The following NECAB1 variants were observed in gnomAD, a reference collection of about 807,000 sequenced individuals.
The protein encoded by NECAB1 is N-terminal EF-hand calcium binding protein 1.
NECAB1 carries 29 observed loss-of-function variants against 57.5 expected under a neutral mutation model. The observed-to-expected ratio is 0.50, with a 90% CI of 0.38 to 0.69. The LOEUF is 0.69. NECAB1 is among the 30% of genes least tolerant of loss of function. The pLI is 0.00. For missense variants in NECAB1, 372 were observed against 413.8 expected (o/e 0.90, Z 0.88); for synonymous variants, 142 against 147.7 (o/e 0.96, Z 0.28).
intron 5 of NECAB1, among the ~76,000 whole-genome samples, chr8:90,902,418 A>T (rs1809528310): frequency 6.6e-6 from 1 of 152,166 alleles, no homozygotes; most frequent in South Asian, 2.1e-4. Flanking sequence ...TGAGACTCTA[A>T]AAAAACAAAC....
At chr8:90,849,483 C>CTTTTT (rs5893138) in intron 3 of NECAB1, among the ~76,000 whole-genome samples, 1 of 113,424 alleles carries the variant, frequency 8.8e-6, no homozygotes, top group Non-Finnish European at 1.7e-5. Context: ...AAGAAAAATG[C>CTTTTT]TTTTTTTTTT....
intron 3 of NECAB1, among the ~76,000 whole-genome samples, chr8:90,835,792 A>G (rs576407836): frequency 1.3e-5 from 2 of 152,340 alleles, no homozygotes; most frequent in African/African-American, 4.8e-5. Context: ...AATTGCTGTA[A>G]TACATTCAAT....
chr8:90,859,994 A>G (rs960761243), intron 3 of NECAB1, among the ~76,000 whole-genome samples: 1 of 152,134 alleles, frequency 6.6e-6, no homozygotes, highest in African/African-American at 2.4e-5. Flanking sequence ...CCTCAGAGCA[A>G]GAAAATAACT....
intron 1 of NECAB1, 141 bp from the exon 2 acceptor site, chr8:90,801,550 A>C: frequency 1.5e-6 from 1 of 647,288 alleles, no homozygotes; most frequent in Non-Finnish European, 2.7e-6. Flanking sequence ...TAGATATTAT[A>C]AAGAAAGATC....
intron 11 of NECAB1, among the ~76,000 whole-genome samples, chr8:90,950,235 G>A (rs1357784040): frequency 6.6e-6 from 1 of 152,006 alleles, no homozygotes; most frequent in Middle Eastern, 3.2e-3. Flanking sequence ...GGGAAAAAAA[G>A]CTTTACCTCC....
In NECAB1 at chr8:90,815,059, C is replaced by G. The variant is rs116441050; in HGVS notation, c.125-9658C>G. Among the ~76,000 whole-genome samples the G allele has an allele frequency of 2.2e-3, 330 of 152,140 alleles. 3 individuals carry two copies. The highest frequency in any genetic ancestry group is 7.3e-3 in the African/African-American group (304 of 41,528). ...ATTACCACATGGATCGTTCTAGACT[C>G]CTGTCTTTGCTTGTCCATATCCTCT... On this transcript the variant is annotated intron_variant, in intron 2 of 12. Coordinates refer to ENST00000417640, the MANE Select transcript of NECAB1 (RefSeq NM_022351.5).
chr8:90,897,776 C>G (rs1384021668), intron 5 of NECAB1, among the ~76,000 whole-genome samples: 1 of 152,142 alleles, frequency 6.6e-6, no homozygotes, highest in Non-Finnish European at 1.5e-5. Flanking sequence ...AAAAATGACA[C>G]TTTAGGAGAC....
chr8:90,832,358 A>T (rs1812310052), intron 3 of NECAB1, among the ~76,000 whole-genome samples: 1 of 152,154 alleles, frequency 6.6e-6, no homozygotes, highest in Non-Finnish European at 1.5e-5. Context: ...GTGCAGAATC[A>T]ACAAGCCAAA....
At chr8:90,851,171 T>C (rs548160301) in intron 3 of NECAB1, among the ~76,000 whole-genome samples, 1 of 152,312 alleles carries the variant, frequency 6.6e-6, no homozygotes, top group African/African-American at 2.4e-5. Context: ...GCATGGAAGC[T>C]CCATGCACCA....
At chr8:90,875,191 G>C (rs1459143431) in intron 4 of NECAB1, among the ~76,000 whole-genome samples, 1 of 152,166 alleles carries the variant, frequency 6.6e-6, no homozygotes, top group African/African-American at 2.4e-5. Context: ...GTTAAGAATA[G>C]ATAGTTGAGG....
intron 5 of NECAB1, among the ~76,000 whole-genome samples, chr8:90,906,858 C>T (rs1809663109): frequency 1.6e-5 from 1 of 63,056 alleles, no homozygotes; most frequent in African/African-American, 1.6e-4. Flanking sequence ...TCCACCTTTT[C>T]CTTACATATG....
At chr8:90,944,795 T>G (rs944512405) in intron 10 of NECAB1, among the ~76,000 whole-genome samples, 1 of 152,236 alleles carries the variant, frequency 6.6e-6, no homozygotes, top group African/African-American at 2.4e-5. Context: ...CAAAACTCCA[T>G]GTCAAGGGCC....
At chr8:90,892,374 GCAT>G (rs1809203826) in intron 5 of NECAB1, among the ~76,000 whole-genome samples, 1 of 152,044 alleles carries the variant, frequency 6.6e-6, no homozygotes, top group African/African-American at 2.4e-5. Flanking sequence ...AACATTGATA[GCAT>G]CATAATTTCC....
At chr8:90,831,828 T>C (rs1418247012) in intron 3 of NECAB1, among the ~76,000 whole-genome samples, 3 of 152,152 alleles carry the variant, frequency 2.0e-5, no homozygotes, top group East Asian at 1.9e-4. Flanking sequence ...ACCCCCTTAG[T>C]ATAGATGTTC....
At chr8:90,848,484 C>G (rs1486109976) in intron 3 of NECAB1, among the ~76,000 whole-genome samples, 1 of 152,034 alleles carries the variant, frequency 6.6e-6, no homozygotes, top group Non-Finnish European at 1.5e-5. Flanking sequence ...TACTGGGTAC[C>G]AATTTATTGT....
intron 3 of NECAB1, among the ~76,000 whole-genome samples, chr8:90,861,361 C>A (rs80042187): frequency 3.3e-5 from 5 of 152,084 alleles, no homozygotes; most frequent in Non-Finnish European, 5.9e-5. Flanking sequence ...TTCAAAGAAG[C>A]ATGCATGGAA....
At chr8:90,808,982 T>C (rs2129664814) in intron 2 of NECAB1, among the ~76,000 whole-genome samples, 1 of 152,224 alleles carries the variant, frequency 6.6e-6, no homozygotes, top group East Asian at 1.9e-4. Flanking sequence ...GGCGGGACTG[T>C]CAATCACAAT....
At chr8:90,799,788 G>C (rs905012060) in intron 1 of NECAB1, among the ~76,000 whole-genome samples, 3 of 152,056 alleles carry the variant, frequency 2.0e-5, no homozygotes, top group Admixed American at 6.5e-5. Context: ...GGCTATTCAG[G>C]CTCCATTTTG....
chr8:90,890,538 T>G (rs1445449019), intron 5 of NECAB1, among the ~76,000 whole-genome samples: 3 of 152,302 alleles, frequency 2.0e-5, no homozygotes, highest in South Asian at 2.1e-4. Flanking sequence ...TGTTTTATCT[T>G]TAGAACTAAG....
Sources: allele counts gnomAD v4.1 joint callset (sites outside exome capture counted in the v4.1 genomes callset), GRCh38; gene constraint gnomAD v4.1.1; transcripts MANE v1.5; gene names NCBI Gene and HGNC (gene_info 2026-07-23, HGNC 2026-07-21).